BNC2: variants seen among roughly 807,000 people sequenced by gnomAD.
The protein encoded by BNC2 is zinc finger protein basonuclin-2.
Under a neutral mutation model 76.3 loss-of-function variants are expected in BNC2, and 20 were observed. The observed-to-expected ratio is 0.26, with a 90% CI of 0.18 to 0.38. The LOEUF is 0.38. BNC2 is among the 10% of genes least tolerant of loss of function. The pLI is 1.00. For missense variants in BNC2, 1,382 were observed against 1,399.8 expected (o/e 0.99, Z 0.20); for synonymous variants, 582 against 514.8 (o/e 1.13, Z -1.77).
intron 5 of BNC2, among the ~76,000 whole-genome samples, chr9:16,459,463 T>C (rs1821527411): frequency 1.3e-5 from 2 of 152,246 alleles, no homozygotes; most frequent in South Asian, 2.1e-4. Context: ...ATTCGAAGGC[T>C]CTGGGCAAAA....
At chr9:16,816,394 T>G (rs1818182869) in intron 1 of BNC2, among the ~76,000 whole-genome samples, 1 of 152,184 alleles carries the variant, frequency 6.6e-6, no homozygotes, top group Admixed American at 6.5e-5. Flanking sequence ...GTGCACGCTC[T>G]CTTCAGTAGA....
intron 5 of BNC2, among the ~76,000 whole-genome samples, chr9:16,502,197 T>A (rs541219396): frequency 6.6e-6 from 1 of 151,996 alleles, no homozygotes; most frequent in Admixed American, 6.6e-5. Context: ...ATCCCACCTG[T>A]ACAAAAAATA....
chr9:16,706,452 G>T (rs1436981627), intron 3 of BNC2, among the ~76,000 whole-genome samples: 1 of 152,196 alleles, frequency 6.6e-6, no homozygotes, highest in Non-Finnish European at 1.5e-5. Context: ...AGGTGTTCCA[G>T]CTTTAATCTC....
At chr9:16,604,602 G>A (rs1820328673) in intron 3 of BNC2, among the ~76,000 whole-genome samples, 1 of 152,084 alleles carries the variant, frequency 6.6e-6, no homozygotes, top group South Asian at 2.1e-4. Context: ...TTTGAGACCA[G>A]CCTGGCCAAC....
At chr9:16,531,378 C>A (rs967511615) in intron 5 of BNC2, among the ~76,000 whole-genome samples, 3 of 149,020 alleles carry the variant, frequency 2.0e-5, no homozygotes, top group Non-Finnish European at 4.4e-5. Context: ...CTGTTTGAGA[C>A]GATGTTTCTG....
intron 1 of BNC2, among the ~76,000 whole-genome samples, chr9:16,797,335 G>C (rs936133710): frequency 1.3e-5 from 2 of 152,102 alleles, no homozygotes; most frequent in African/African-American, 4.8e-5. Context: ...GGATGAGGTT[G>C]GGGGCACTGT....
rs1818987657 is a variant in BNC2 at position 16,846,570 on chromosome 9, C to T, written c.3+24076G>A. On this transcript the variant is annotated intron_variant, in intron 1 of 6. Transcript: ENST00000380672. ...TTTCGACAAGGCTGCAGCTCAGAAA[C>T]TGAAGACTGGTAGGGTTTCTCTTTC... 2.0e-5 allele frequency among the ~76,000 whole-genome samples: 3 copies of T among 152,304 alleles called. No homozygotes were observed. The South Asian group carries it at 6.2e-4, about 32-fold the overall frequency.
intron 3 of BNC2, among the ~76,000 whole-genome samples, chr9:16,645,611 C>G (rs1220317283): frequency 6.6e-6 from 1 of 152,108 alleles, no homozygotes; most frequent in Non-Finnish European, 1.5e-5. Flanking sequence ...ACATCCTTGT[C>G]CCATCACAGC....
chr9:16,458,118 T>G (rs1821494975), intron 5 of BNC2, among the ~76,000 whole-genome samples: 1 of 152,082 alleles, frequency 6.6e-6, no homozygotes, highest in African/African-American at 2.4e-5. Context: ...AAAAATAACA[T>G]TACTGAAAAC....
At chr9:16,500,259 G>T (rs1483561112) in intron 5 of BNC2, among the ~76,000 whole-genome samples, 2 of 151,862 alleles carry the variant, frequency 1.3e-5, no homozygotes, top group Non-Finnish European at 2.9e-5. Context: ...CATTAAGCCT[G>T]CTCCAGTTTT....
At chr9:16,523,327 C>T (rs770560306) in intron 5 of BNC2, among the ~76,000 whole-genome samples, 2 of 151,650 alleles carry the variant, frequency 1.3e-5, no homozygotes, top group Non-Finnish European at 2.9e-5. Context: ...AAAAATTAGC[C>T]GGGCAGGGTG....
chr9:16,440,141 A>G (rs1821096695), intron 5 of BNC2, among the ~76,000 whole-genome samples: 1 of 152,224 alleles, frequency 6.6e-6, no homozygotes, highest in Admixed American at 6.5e-5. Flanking sequence ...TAACTTCCAG[A>G]GCTCAGAGAA....
rs534896725 is a variant in BNC2 at position 16,581,348 on chromosome 9, G to A, written c.433+1635C>T. 2.6e-5 allele frequency among the ~76,000 whole-genome samples: 4 copies of A among 152,178 alleles called. No individual in the cohort carries two copies. In the East Asian group the frequency reaches 5.8e-4, roughly 22 times the overall value. On this transcript the variant is annotated intron_variant, in intron 4 of 6. Coordinates refer to ENST00000380672, the MANE Select transcript of BNC2 (RefSeq NM_017637.6). ...GCCGAGGCTGGCAGATCATGAGGTC[G>A]GGAGTTCGAGACCAGCCTGGCCAAC...
Position 16,674,032 on chromosome 9 carries a change from T to C in BNC2, c.330+53765A>G, listed in dbSNP as rs182506609. 7.0e-3 allele frequency among the ~76,000 whole-genome samples: 1,073 copies of C among 152,356 alleles called. 13 individuals carry two copies. The highest frequency in any genetic ancestry group is 0.025 in the African/African-American group (1,031 of 41,582). On this transcript the variant is annotated intron_variant, in intron 3 of 6. Coordinates refer to ENST00000380672, the MANE Select transcript of BNC2 (RefSeq NM_017637.6). The stretch of plus-strand genomic sequence containing the variant: ...TTACTCAAACGTACAACTAGAACTG[T>C]TCATTCCAAAGTTCTGAACCTGCCT...
chr9:16,660,185 T>C (rs1261252893), intron 3 of BNC2, among the ~76,000 whole-genome samples: 1 of 152,214 alleles, frequency 6.6e-6, no homozygotes, highest in Non-Finnish European at 1.5e-5. Flanking sequence ...CCGGGCGCGG[T>C]GGCTCAAGCC....
chr9:16,863,357 C>T (rs143049156), intron 1 of BNC2, among the ~76,000 whole-genome samples: 19 of 152,310 alleles, frequency 1.2e-4, no homozygotes, highest in East Asian at 5.8e-4. Context: ...ACAAGGATAA[C>T]TTAGCCCATA....
chr9:16,529,269 G>A (rs936000066), intron 5 of BNC2, among the ~76,000 whole-genome samples: 1 of 152,006 alleles, frequency 6.6e-6, no homozygotes, highest in African/African-American at 2.4e-5. Flanking sequence ...AGTGGAAGTG[G>A]GTAGATATTT....
At chr9:16,775,987 G>A (rs1182942847) in intron 1 of BNC2, 2 of 152,224 alleles carry the variant, frequency 1.3e-5, no homozygotes, top group African/African-American at 4.8e-5. Flanking sequence ...CAACGCAGCT[G>A]CTGCCTCAGC....
intron 4 of BNC2, among the ~76,000 whole-genome samples, chr9:16,553,431 G>A (rs1330304616): frequency 1.3e-5 from 2 of 152,120 alleles, no homozygotes; most frequent in Non-Finnish European, 2.9e-5. Flanking sequence ...GATAGCTTTT[G>A]TGTTCATTGG....
Sources: allele counts gnomAD v4.1 joint callset (sites outside exome capture counted in the v4.1 genomes callset), GRCh38; gene constraint gnomAD v4.1.1; transcripts MANE v1.5; gene names NCBI Gene and HGNC (gene_info 2026-07-23, HGNC 2026-07-21).